The following ZNF280D variants were observed in gnomAD, a reference collection of about 807,000 sequenced individuals.
ZNF280D encodes suppressor of hairy wing homolog 4.
In ZNF280D, 39 loss-of-function variants were observed where a neutral mutation model predicts 94.7. That is an observed-to-expected ratio of 0.41 (90% confidence interval 0.32 to 0.54). The LOEUF is 0.54. Ranked by LOEUF, ZNF280D falls within the 20% of genes least tolerant of loss-of-function variation. The pLI, the probability that ZNF280D is intolerant of heterozygous loss-of-function variation, is 0.22. For synonymous variants in ZNF280D, 398 were observed against 377.6 expected, an observed-to-expected ratio of 1.05 and a Z score of -0.63; for missense variants, 1,090 against 1,149.3, an observed-to-expected ratio of 0.95 and a Z score of 0.75.
At chr15:56,664,480 A>C (rs1329255254) in intron 16 of ZNF280D, among the ~76,000 whole-genome samples, 2 of 152,196 alleles carry the variant, frequency 1.3e-5, no homozygotes, top group African/African-American at 2.4e-5. Context: ...TTAATGGGGA[A>C]GTGAGACATG....
In ZNF280D at chr15:56,635,268, A is replaced by G. The variant is rs772545824; in HGVS notation, c.2260-18T>C. The stretch of plus-strand genomic sequence containing the variant: ...GCAATTTCCTGAAATAATTAATAAT[A>G]CTTTTCTTTTACATTCACAGTTAAT... On this transcript the variant is annotated intron_variant, in intron 20 of 21. Transcript: ENST00000267807. The G allele has an allele frequency of 6.9e-7, 1 of 1,442,788 alleles. No individual in the cohort carries two copies. Among genetic ancestry groups the G allele is most frequent in the African/African-American group, 1.5e-5 (1 of 68,446 alleles). The allele number at this position is 1,442,788 out of a possible 1,614,324, so 89.4% of individuals were successfully genotyped here. A position where few individuals can be genotyped will look rare whatever the true frequency, so the allele number is the denominator to read the frequency against.
intron 1 of ZNF280D, among the ~76,000 whole-genome samples, chr15:56,720,788 A>G (rs1432829024): frequency 6.6e-6 from 1 of 152,058 alleles, no homozygotes; most frequent in Non-Finnish European, 1.5e-5. Flanking sequence ...ACTATCAATG[A>G]GCAGTAATAT....
intron 9 of ZNF280D, chr15:56,688,749 G>A (rs981466432): frequency 1.6e-4 from 28 of 170,298 alleles, no homozygotes; most frequent in Non-Finnish European, 3.5e-4. Flanking sequence ...TGTTTTATAA[G>A]ACATTTGAAG....
intron 13 of ZNF280D, among the ~76,000 whole-genome samples, chr15:56,675,367 G>C (rs143122057): frequency 5.1e-4 from 78 of 151,860 alleles, no homozygotes; most frequent in African/African-American, 1.8e-3. Context: ...GATGAAATAC[G>C]GGGTATCAAG....
At position 56,666,712 on chromosome 15, in the gene ZNF280D, T is replaced by G. The variant is rs1393265111; in HGVS notation, c.1820A>C (p.Lys607Thr). 28 of 1,610,322 alleles carry G rather than the reference T, an allele frequency of 1.7e-5. No individual in the cohort carries two copies. The highest frequency in any genetic ancestry group is 2.3e-5 in the Non-Finnish European group (27 of 1,179,120). ...KQSTLASSNK[K>T]SKVNTALRNL... ...CCTCAATGCTGTATTGACTTTACTT[T>G]TTTTATTGCTACTAGCCAATGTGCT... The change falls in exon 15 of 22, where the codon AAA becomes ACA. Residue 607 changes from lysine to threonine, a missense_variant. By Grantham distance (78) the Lys-to-Thr change is moderately conservative. Around this residue, in one of 3 missense-constraint regions of ZNF280D, gnomAD observed 577 missense variants for 568.8 expected, o/e 1.01. Coordinates refer to ENST00000267807, the MANE Select transcript of ZNF280D (RefSeq NM_017661.4).
intron 16 of ZNF280D, among the ~76,000 whole-genome samples, chr15:56,661,567 T>G (rs1394874199): frequency 6.6e-6 from 1 of 152,208 alleles, no homozygotes; most frequent in Non-Finnish European, 1.5e-5. Context: ...GAAACAAATT[T>G]TTATACTAGC....
At position 56,631,549 on chromosome 15, in the gene ZNF280D, A is replaced by G; in HGVS notation, c.2889T>C (p.Pro963=). 1 of 1,614,030 alleles carries G rather than the reference A, an allele frequency of 6.2e-7. No individual in the cohort carries two copies. Among genetic ancestry groups the G allele is most frequent in the South Asian group, 1.1e-5 (1 of 91,076 alleles). The stretch of plus-strand genomic sequence containing the variant: ...GGTCTACTGTTGCCTCTGTTGTGCT[A>G]GGGTTATTTCCTCCAGGAATGTCAT... ...QTDDIPGGNN[P]STTEATVDLE... The change falls in exon 22 of 22, where the codon CCT becomes CCC. Residue 963 remains proline, a synonymous_variant. Transcript: ENST00000267807.
intron 16 of ZNF280D, among the ~76,000 whole-genome samples, chr15:56,663,915 AGAAGAAAT>A (rs2054118231): frequency 6.6e-6 from 1 of 152,156 alleles, no homozygotes; most frequent in Admixed American, 6.5e-5. Flanking sequence ...AAGAAAAAGA[AGAAGAAAT>A]GAAGAAATGA....
chr15:56,655,194 A>C (rs542199247), intron 17 of ZNF280D, among the ~76,000 whole-genome samples: 1 of 152,326 alleles, frequency 6.6e-6, no homozygotes, highest in South Asian at 2.1e-4. Context: ...AAAATCTGCA[A>C]ACTTGAGTTC....
In ZNF280D at chr15:56,631,990, G is replaced by T. The variant is rs751834934; in HGVS notation, c.2448C>A (p.Asp816Glu). ...CGATGTTTTTTGAGCCAGTTTCCTG[G>T]TCTGCAAGACAGGTTTCATTTTCCT... ...SDKENETCLA[D>E]QETGSKNIVS... The change falls in exon 22 of 22, where the codon GAC becomes GAA. Residue 816 changes from aspartate to glutamate, a missense_variant. By Grantham distance (45) the Asp-to-Glu change is conservative (BLOSUM62 2). Transcript: ENST00000267807. 1.2e-6 allele frequency: 2 copies of T among 1,613,922 alleles called. No homozygotes were observed. Among genetic ancestry groups the T allele is most frequent in the East Asian group, 2.2e-5 (1 of 44,874 alleles).
chr15:56,633,345 C>T (rs1026157334), intron 21 of ZNF280D, among the ~76,000 whole-genome samples: 2 of 152,038 alleles, frequency 1.3e-5, no homozygotes, highest in African/African-American at 2.4e-5. Flanking sequence ...TATTGATTAA[C>T]AATATACTTT....
At chr15:56,711,380 C>T (rs1474000853) in intron 1 of ZNF280D, among the ~76,000 whole-genome samples, 2 of 152,136 alleles carry the variant, frequency 1.3e-5, no homozygotes, top group East Asian at 1.9e-4. Context: ...TTAAAGAACT[C>T]GAGGCCAGGC....
At chr15:56,708,650 CA>C (rs2057562419) in intron 1 of ZNF280D, among the ~76,000 whole-genome samples, 1 of 151,986 alleles carries the variant, frequency 6.6e-6, no homozygotes, top group Non-Finnish European at 1.5e-5. Context: ...GTACTGGTAC[CA>C]AAACAGAGAT....
intron 16 of ZNF280D, among the ~76,000 whole-genome samples, chr15:56,662,132 T>C (rs2053980988): frequency 6.6e-6 from 1 of 152,284 alleles, no homozygotes; most frequent in South Asian, 2.1e-4. Context: ...TAATTCTCTT[T>C]TATGTAAAGA....
At chr15:56,656,615 T>G (rs2053570582) in intron 17 of ZNF280D, among the ~76,000 whole-genome samples, 1 of 152,202 alleles carries the variant, frequency 6.6e-6, no homozygotes, top group Admixed American at 6.5e-5. Flanking sequence ...TGATATTTTC[T>G]CTCCCTGTGA....
At chr15:56,642,813 A>T (rs1352614827) in intron 20 of ZNF280D, 139 bp downstream of exon 20, 1 of 489,560 alleles carries the variant, frequency 2.0e-6, no homozygotes, top group Non-Finnish European at 3.5e-6. Flanking sequence ...AAAATTTTAA[A>T]TCTCGATTTT....
chr15:56,635,891 A>C (rs977019297), intron 20 of ZNF280D: 9 of 152,178 alleles, frequency 5.9e-5, no homozygotes, highest in Non-Finnish European at 1.0e-4. Context: ...AGAACTTTAC[A>C]TGCACTATCT....
At chr15:56,727,328 G>T (rs576505077) in intron 1 of ZNF280D, among the ~76,000 whole-genome samples, 15 of 152,122 alleles carry the variant, frequency 9.9e-5, no homozygotes, top group Non-Finnish European at 2.9e-5. Flanking sequence ...GCATGGTGGC[G>T]CACGCCTGTA....
intron 3 of ZNF280D, among the ~76,000 whole-genome samples, chr15:56,704,683 T>C (rs1304707652): frequency 6.6e-6 from 1 of 152,108 alleles, no homozygotes; most frequent in Non-Finnish European, 1.5e-5. Flanking sequence ...TAAACCAGAT[T>C]CAAGAATGCC....
Sources: allele counts gnomAD v4.1 joint callset (sites outside exome capture counted in the v4.1 genomes callset), GRCh38; gene constraint gnomAD v4.1.1; regional missense constraint gnomAD v4.1.1; transcripts MANE v1.5; gene names NCBI Gene and HGNC (gene_info 2026-07-23, HGNC 2026-07-21).